Variants in LYST observed in about 807,000 individuals in gnomAD.
LYST encodes lysosomal trafficking regulator.
Under a neutral mutation model 413.6 loss-of-function variants are expected in LYST, and 192 were observed. The observed-to-expected ratio is 0.46, with a 90% CI of 0.41 to 0.52. LYST has a LOEUF of 0.52. LYST is among the 20% of genes least tolerant of loss of function. The pLI, the probability that LYST is intolerant of heterozygous loss-of-function variation, is 0.00. For synonymous variants in LYST, 1,525 were observed against 1,567.3 expected (o/e 0.97, Z 0.64); for missense variants, 3,815 against 4,499.9 (o/e 0.85, Z 4.35).
chr1:235,691,525 G>A (rs1388506892), intron 47 of LYST, among the ~76,000 whole-genome samples: 1 of 152,110 alleles, frequency 6.6e-6, no homozygotes, highest in Non-Finnish European at 1.5e-5. Flanking sequence ...AAAGGTGAGT[G>A]AACACTGAGA....
intron 38 of LYST, among the ~76,000 whole-genome samples, chr1:235,725,113 G>A (rs1407326448): frequency 6.6e-6 from 1 of 152,190 alleles, no homozygotes; most frequent in East Asian, 1.9e-4. Flanking sequence ...CCTAATGAAA[G>A]ATTAGACAAA....
chr1:235,799,571 A>G (rs1012396603), intron 10 of LYST, among the ~76,000 whole-genome samples: 12 of 152,192 alleles, frequency 7.9e-5, no homozygotes, highest in Admixed American at 5.9e-4. Context: ...CATCATACAA[A>G]CCAAAATTAA....
At chr1:235,734,793 TTC>T in intron 31 of LYST, 134 bp from the exon 32 acceptor site, 1 of 614,170 alleles carries the variant, frequency 1.6e-6, no homozygotes, top group East Asian at 2.8e-5. Flanking sequence ...ACAAAAGACA[TTC>T]TGAGGATAAG....
At chr1:235,801,492 T>C (rs1672222346) in intron 8 of LYST, among the ~76,000 whole-genome samples, 1 of 152,064 alleles carries the variant, frequency 6.6e-6, no homozygotes, top group Non-Finnish European at 1.5e-5. Context: ...TAGGCTTGAC[T>C]AGTGGTTGGA....
intron 6 of LYST, 102 bp from the exon 7 acceptor site, chr1:235,804,767 C>A: frequency 1.4e-6 from 1 of 727,478 alleles, no homozygotes; most frequent in Non-Finnish European, 2.3e-6. Context: ...AAAGCTAATC[C>A]ATTTATTTGC....
At chr1:235,782,595 G>A (rs1427968325) in intron 14 of LYST, among the ~76,000 whole-genome samples, 2 of 152,158 alleles carry the variant, frequency 1.3e-5, no homozygotes, top group Non-Finnish European at 2.9e-5. Flanking sequence ...GCCAAAGAGA[G>A]ATACCTGATG....
At position 235,759,612 on chromosome 1, in the gene LYST, G is replaced by A; in HGVS notation, c.6254-13C>T. The A allele has an allele frequency of 6.2e-7, 1 of 1,604,034 alleles. No homozygotes were observed. The highest frequency in any genetic ancestry group is 8.5e-7 in the Non-Finnish European group (1 of 1,171,290). ...GAGGAATTCTCTCCTGGTAAGAGTAGATACAAAAATACTACTTAAAAATCT... is the reference window on the plus strand; with the variant it reads ...GAGGAATTCTCTCCTGGTAAGAGTAAATACAAAAATACTACTTAAAAATCT... On this transcript the variant is annotated splice_polypyrimidine_tract_variant and intron_variant, in intron 22 of 52. Coordinates refer to ENST00000389793, the MANE Select transcript of LYST (RefSeq NM_000081.4).
At chr1:235,873,000 A>G (rs1252640871) in intron 1 of LYST, among the ~76,000 whole-genome samples, 1 of 152,172 alleles carries the variant, frequency 6.6e-6, no homozygotes, top group African/African-American at 2.4e-5. Context: ...TCTACTTTCT[A>G]TGGCTTGCCT....
chr1:235,872,864 C>T (rs1680997820), intron 1 of LYST, among the ~76,000 whole-genome samples: 1 of 151,846 alleles, frequency 6.6e-6, no homozygotes, highest in African/African-American at 2.4e-5. Context: ...TGCAGTAAGC[C>T]GAGATCCCAC....
intron 40 of LYST, among the ~76,000 whole-genome samples, chr1:235,718,193 G>C (rs1321246773): frequency 8.1e-6 from 1 of 123,362 alleles, no homozygotes; most frequent in East Asian, 2.0e-4. Context: ...TATAAATAGG[G>C]GTTTTTTTTT....
intron 1 of LYST, among the ~76,000 whole-genome samples, chr1:235,859,130 T>C (rs955331399): frequency 1.3e-5 from 2 of 152,222 alleles, no homozygotes; most frequent in African/African-American, 4.8e-5. Context: ...TACTAACTTA[T>C]ATCTATATCT....
At chr1:235,727,177 C>T (rs979437093) in intron 38 of LYST, among the ~76,000 whole-genome samples, 1 of 146,784 alleles carries the variant, frequency 6.8e-6, no homozygotes, top group African/African-American at 2.5e-5. Context: ...GGCTGGAGTG[C>T]AGTGGTGTGA....
chr1:235,753,528 T>C (rs1666698677), intron 25 of LYST, among the ~76,000 whole-genome samples: 1 of 152,198 alleles, frequency 6.6e-6, no homozygotes, highest in Non-Finnish European at 1.5e-5. Flanking sequence ...TGGTTTTAAC[T>C]GATTTATTTT....
At chr1:235,772,259 C>T (rs1203731138) in intron 19 of LYST, among the ~76,000 whole-genome samples, 2 of 151,970 alleles carry the variant, frequency 1.3e-5, no homozygotes, top group African/African-American at 4.8e-5. Flanking sequence ...AACCTCATAA[C>T]TCATTACTGG....
At position 235,770,150 on chromosome 1, in the gene LYST, T is replaced by A. The variant is rs375422713; in HGVS notation, c.5922+10A>T. On this transcript the variant is annotated intron_variant, in intron 20 of 52. Transcript: ENST00000389793. ...ATATATTTCCAAAAGTAAAGTTACA[T>A]GAAAAGTACCTGCAAAACCTGACAA... 2.5e-6 allele frequency: 4 copies of A among 1,612,474 alleles called. No individual in the cohort carries two copies. The African/African-American group carries it at 5.3e-5, about 22-fold the overall frequency.
At chr1:235,788,634 T>C in intron 13 of LYST, 67 bp downstream of exon 13, 1 of 1,475,840 alleles carries the variant, frequency 6.8e-7, no homozygotes, top group Non-Finnish European at 9.4e-7. Context: ...AGATTTCACA[T>C]TAATGTCTCT....
rs760069169 is a variant in LYST at position 235,731,194 on chromosome 1, T to G, written c.8802-17A>C. The G allele has an allele frequency of 6.2e-7, 1 of 1,613,378 alleles. No homozygotes were observed. Among genetic ancestry groups the G allele is most frequent in the Non-Finnish European group, 8.5e-7 (1 of 1,179,368 alleles). ...CATACTGCTCTGCAAGTAAAAAGAT[T>G]AAAGGGTGTTTTAAGTGACCATCCA... On this transcript the variant is annotated splice_polypyrimidine_tract_variant and intron_variant, in intron 34 of 52. Transcript: ENST00000389793.
chr1:235,793,462 G>T (rs372528381), intron 11 of LYST, 41 bp downstream of exon 11: 11 of 915,796 alleles, frequency 1.2e-5, no homozygotes, highest in Non-Finnish European at 1.8e-5. Flanking sequence ...GTAAGTGAAA[G>T]AATTTATCAG....
chr1:235,724,257 G>A lies in LYST; in HGVS notation c.9163-77C>T, dbSNP rs967642614. ...TTACTTTAATTTTAGATTTTAAAAA[G>A]CATCAAAATAAAACAGAAAATCTTT... On this transcript the variant is annotated intron_variant, in intron 38 of 52. Coordinates refer to ENST00000389793, the MANE Select transcript of LYST (RefSeq NM_000081.4). 3.8e-6 allele frequency: 5 copies of A among 1,312,068 alleles called. No individual in the cohort carries two copies. In the African/African-American group the frequency reaches 7.5e-5, roughly 20 times the overall value. 81.3% of individuals were successfully genotyped at this position (1,312,068 alleles called of 1,614,324 possible).
Sources: allele counts gnomAD v4.1 joint callset (sites outside exome capture counted in the v4.1 genomes callset), GRCh38; gene constraint gnomAD v4.1.1; transcripts MANE v1.5; gene names NCBI Gene and HGNC (gene_info 2026-07-23, HGNC 2026-07-21).